The following MECOM variants were observed in gnomAD, a reference collection of about 807,000 sequenced individuals.
MECOM encodes MDS1 and EVI1 complex locus, also known as histone-lysine N-methyltransferase MECOM.
A neutral mutation model predicts 116.3 loss-of-function variants in MECOM; 13 were observed. The observed-to-expected ratio is 0.11, with a 90% CI of 0.07 to 0.18. MECOM has a LOEUF of 0.18. MECOM is among the 10% of genes least tolerant of loss of function. The pLI is 1.00. For synonymous variants in MECOM, 528 were observed against 535.2 expected (o/e 0.99, Z 0.19); for missense variants, 1,299 against 1,509.0 (o/e 0.86, Z 2.31).
In MECOM at chr3:169,147,681, A is replaced by G. The variant is rs556694247; in HGVS notation, c.376-3849T>C. The G allele has an allele frequency of 2.9e-5, 29 of 985,366 alleles. No individual in the cohort carries two copies. The African/African-American group carries it at 5.1e-4, about 17-fold the overall frequency. The allele number at this position is 985,366 out of a possible 1,614,324, so 61.0% of individuals were successfully genotyped here. On this transcript the variant is annotated intron_variant, in intron 2 of 16. Transcript: ENST00000651503. Reference sequence around the variant, plus strand: ...GCAGGATTTCTTTCCCCAGGGAAATAGCCTCCGTTTCGATGTCTTGAAAGC... The same window carrying G: ...GCAGGATTTCTTTCCCCAGGGAAATGGCCTCCGTTTCGATGTCTTGAAAGC...
intron 1 of MECOM, among the ~76,000 whole-genome samples, chr3:169,638,932 G>A (rs1021625214): frequency 6.6e-6 from 1 of 152,178 alleles, no homozygotes; most frequent in Non-Finnish European, 1.5e-5. Context: ...TTGAGGGGAT[G>A]TGATGTGTGT....
intron 2 of MECOM, among the ~76,000 whole-genome samples, chr3:169,156,981 A>G (rs17481663): frequency 0.098 from 14,886 of 152,180 alleles, 998 homozygotes; most frequent in Non-Finnish European, 0.14. Context: ...ATGGCATACA[A>G]AATTACAGGA....
chr3:169,610,559 G>A lies in MECOM; in HGVS notation c.37+52777C>T, dbSNP rs1769138637. ...ATCCCTATTTTACAGATGGGATACTGAGCACAGAGGCGTCAAACAATTTTC... is the reference window on the plus strand; with the variant it reads ...ATCCCTATTTTACAGATGGGATACTAAGCACAGAGGCGTCAAACAATTTTC... On this transcript the variant is annotated intron_variant, in intron 1 of 16. Coordinates refer to ENST00000651503, the MANE Select transcript of MECOM (RefSeq NM_004991.4). 2.0e-5 allele frequency among the ~76,000 whole-genome samples: 3 copies of A among 151,838 alleles called. No individual in the cohort carries two copies. In the South Asian group the frequency reaches 6.2e-4, roughly 32 times the overall value.
intron 2 of MECOM, among the ~76,000 whole-genome samples, chr3:169,338,867 G>A (rs1001199922): frequency 3.3e-5 from 5 of 152,098 alleles, no homozygotes; most frequent in African/African-American, 7.2e-5. Flanking sequence ...TTAGCAGATC[G>A]GGAGGAAGAG....
rs532136847 is a variant in MECOM at position 169,203,333 on chromosome 3, G to A, written c.376-59501C>T. On this transcript the variant is annotated intron_variant, in intron 2 of 16. Coordinates refer to ENST00000651503, the MANE Select transcript of MECOM (RefSeq NM_004991.4). ...ATTTTAATACCACAGTGGAAAGAAC[G>A]TGGTATTTATGTTTAAATAGCTGGA... 4.6e-5 allele frequency among the ~76,000 whole-genome samples: 7 copies of A among 152,124 alleles called. No homozygotes were observed. In the South Asian group the frequency reaches 6.2e-4, roughly 14 times the overall value.
At chr3:169,385,588 T>C (rs1035994314) in intron 1 of MECOM, among the ~76,000 whole-genome samples, 1 of 152,076 alleles carries the variant, frequency 6.6e-6, no homozygotes, top group Non-Finnish European at 1.5e-5. Context: ...CATTATGAAA[T>C]TTTCAACAGC....
Position 169,472,464 on chromosome 3 carries a change from G to GAAGGA in MECOM, c.38-90945_38-90941dup, listed in dbSNP as rs200628251. 7.0e-3 allele frequency among the ~76,000 whole-genome samples: 449 copies of GAAGGA among 64,028 alleles called. 35 individuals carry two copies. The highest frequency in any genetic ancestry group is 0.017 in the East Asian group (28 of 1,650). 42.0% of individuals were successfully genotyped at this position (64,028 alleles called of 152,430 possible). On this transcript the variant is annotated intron_variant, in intron 1 of 16. Coordinates refer to ENST00000651503, the MANE Select transcript of MECOM (RefSeq NM_004991.4). ...GGAGAGAAAAGGAAAGGAAGGGAAA[G>GAAGGA]AAGGAAAGGAAAGGAAAGGAAAGGA... is the stretch of plus-strand genomic sequence containing the variant.
chr3:169,384,427 C>T (rs571531218), intron 1 of MECOM, among the ~76,000 whole-genome samples: 4 of 152,196 alleles, frequency 2.6e-5, no homozygotes, highest in African/African-American at 9.6e-5. Flanking sequence ...CAACAAAATC[C>T]ATCTAATTTT....
intron 1 of MECOM, among the ~76,000 whole-genome samples, chr3:169,460,546 T>C (rs1412495270): frequency 1.3e-5 from 2 of 152,326 alleles, no homozygotes; most frequent in South Asian, 4.1e-4. Context: ...GGCAATTAAA[T>C]ACATTTCAAG....
In MECOM at chr3:169,408,461, C is replaced by T. The variant is rs9866201; in HGVS notation, c.38-26937G>A. On this transcript the variant is annotated intron_variant, in intron 1 of 16. Transcript: ENST00000651503. ...CTTCAATTTCTCATACCACAGGGAC[C>T]AGGAATTAATATGCAGTAAAGGAAA... Among the ~76,000 whole-genome samples, 1,337 of 152,230 alleles carry T rather than the reference C, an allele frequency of 8.8e-3. 21 individuals carry two copies. Among genetic ancestry groups the T allele is most frequent in the African/African-American group, 0.031 (1,288 of 41,532 alleles).
intron 1 of MECOM, among the ~76,000 whole-genome samples, chr3:169,539,880 T>TA (rs2109220127): frequency 6.6e-6 from 1 of 152,282 alleles, no homozygotes; most frequent in South Asian, 2.1e-4. Context: ...AGTATGCAAC[T>TA]ATAGCTACAT....
intron 1 of MECOM, among the ~76,000 whole-genome samples, chr3:169,511,635 G>A (rs999357595): frequency 6.6e-6 from 1 of 151,926 alleles, no homozygotes; most frequent in Non-Finnish European, 1.5e-5. Flanking sequence ...GTGATGGTGG[G>A]CGCTTGTAGT....
chr3:169,471,245 G>C (rs534557408), intron 1 of MECOM, among the ~76,000 whole-genome samples: 71 of 152,200 alleles, frequency 4.7e-4, no homozygotes, highest in African/African-American at 1.6e-3. Context: ...ACTGGCCTCG[G>C]CTTCCCAAAG....
At chr3:169,207,124 T>G (rs1559992457) in intron 2 of MECOM, among the ~76,000 whole-genome samples, 1 of 148,658 alleles carries the variant, frequency 6.7e-6, no homozygotes, top group Non-Finnish European at 1.5e-5. Flanking sequence ...GGTAATGTGC[T>G]TTCATCATTG....
chr3:169,115,346 A>G (rs758731648), intron 8 of MECOM, 37 bp downstream of exon 8: 3 of 1,589,440 alleles, frequency 1.9e-6, no homozygotes, highest in Non-Finnish European at 1.7e-6. Context: ...CCTTTCATAC[A>G]TCTGCTCATA....
chr3:169,551,091 G>C (rs116385942), intron 1 of MECOM, among the ~76,000 whole-genome samples: 1 of 95,024 alleles, frequency 1.1e-5, no homozygotes, highest in African/African-American at 3.2e-5. Flanking sequence ...CCAAAGTGCT[G>C]CCCTTTCCTT....
intron 1 of MECOM, among the ~76,000 whole-genome samples, chr3:169,489,541 A>G (rs1412042223): frequency 6.6e-6 from 1 of 152,204 alleles, no homozygotes; most frequent in Non-Finnish European, 1.5e-5. Context: ...CAGGATAAAG[A>G]AATGGACCAA....
At position 169,507,650 on chromosome 3, in the gene MECOM, C is replaced by CTTTTTTTTTTTTTTTTTTTTTTTTTTTT. The variant is rs1165167849; in HGVS notation, c.38-126154_38-126127dup. Among the ~76,000 whole-genome samples, 10 of 57,146 alleles carry CTTTTTTTTTTTTTTTTTTTTTTTTTTTT rather than the reference C, an allele frequency of 1.7e-4. 2 individuals carry two copies. The highest frequency in any genetic ancestry group is 2.5e-4 in the African/African-American group (3 of 12,236). 37.5% of individuals were successfully genotyped at this position (57,146 alleles called of 152,430 possible). On this transcript the variant is annotated intron_variant, in intron 1 of 16. Transcript: ENST00000651503. ...CAATTTTGGTTTAAATCCCCACTTG[C>CTTTTTTTTTTTTTTTTTTTTTTTTTTTT]TTTTTTTTTTTTTTTTTTTTTTTTT... is the stretch of plus-strand genomic sequence containing the variant.
chr3:169,229,620 C>T (rs1419193826), intron 2 of MECOM, among the ~76,000 whole-genome samples: 1 of 152,054 alleles, frequency 6.6e-6, no homozygotes, highest in African/African-American at 2.4e-5. Context: ...CTTTCAATGG[C>T]CCTGGTCCCC....
Sources: gnomAD v4.1 joint callset for allele counts (sites outside exome capture counted in the v4.1 genomes callset) on GRCh38, gnomAD v4.1.1 for gene constraint, MANE v1.5 for transcripts, NCBI Gene and HGNC (gene_info 2026-07-23, HGNC 2026-07-21) for gene names.